The following TBCD variants were observed in gnomAD, a reference collection of about 807,000 sequenced individuals.
TBCD encodes tubulin folding cofactor D.
A neutral mutation model predicts 169.3 loss-of-function variants in TBCD; 105 were observed. The ratio of observed to expected loss-of-function variants is 0.62; its 90% CI spans 0.53 to 0.73. TBCD has a LOEUF of 0.73. TBCD is among the 30% of genes least tolerant of loss of function. The pLI, the probability that TBCD is intolerant of heterozygous loss-of-function variation, is 0.00. For missense variants in TBCD, 1,444 were observed against 1,600.1 expected (o/e 0.90, Z 1.66); for synonymous variants, 700 against 643.9 (o/e 1.09, Z -1.32).
chr17:82,941,642 C>A, intron 38 of TBCD, 159 bp downstream of exon 38: 1 of 664,594 alleles, frequency 1.5e-6, no homozygotes, highest in Non-Finnish European at 2.5e-6. Context: ...AGCAGAGCTG[C>A]CTTCTCTGGC....
At chr17:82,888,842 G>A (rs1053568371) in intron 15 of TBCD, among the ~76,000 whole-genome samples, 1 of 152,224 alleles carries the variant, frequency 6.6e-6, no homozygotes, top group African/African-American at 2.4e-5. Flanking sequence ...GCGGGAGGTC[G>A]CTCCTCCAGA....
At chr17:82,933,711 TTCAAGCAGTTC>T (rs1430009442) in intron 34 of TBCD, among the ~76,000 whole-genome samples, 2 of 151,884 alleles carry the variant, frequency 1.3e-5, no homozygotes, top group Non-Finnish European at 2.9e-5. Context: ...CCGTCCCGGG[TTCAAGCAGTTC>T]TCTCGCAGAC....
intron 4 of TBCD, among the ~76,000 whole-genome samples, chr17:82,767,753 G>A (rs1395592104): frequency 1.3e-5 from 2 of 152,054 alleles, no homozygotes; most frequent in Non-Finnish European, 2.9e-5. Flanking sequence ...TCAGGAGATC[G>A]AGACCATCCT....
chr17:82,754,479 G>T (rs2047297807), intron 1 of TBCD, among the ~76,000 whole-genome samples: 1 of 152,206 alleles, frequency 6.6e-6, no homozygotes, highest in African/African-American at 2.4e-5. Context: ...TGGGGAACTC[G>T]CATGTCTTGT....
At chr17:82,877,575 C>T (rs1043599838) in intron 14 of TBCD, among the ~76,000 whole-genome samples, 8 of 152,114 alleles carry the variant, frequency 5.3e-5, no homozygotes, top group Admixed American at 4.6e-4. Flanking sequence ...CTCCTGATCT[C>T]GTGATCCACC....
chr17:82,938,356 G>A (rs948554997), intron 36 of TBCD, among the ~76,000 whole-genome samples: 5 of 152,210 alleles, frequency 3.3e-5, no homozygotes, highest in Non-Finnish European at 5.9e-5. Context: ...GCGTTTCTAT[G>A]GACATACATT....
intron 2 of TBCD, 27 bp downstream of exon 2, chr17:82,756,242 T>C (rs2047393674): frequency 6.3e-7 from 1 of 1,597,000 alleles, no homozygotes; most frequent in African/African-American, 1.3e-5. Context: ...CTGATTTTGA[T>C]CATTCAGTTA....
chr17:82,775,656 G>A (rs2048551012), intron 6 of TBCD, among the ~76,000 whole-genome samples: 1 of 149,352 alleles, frequency 6.7e-6, no homozygotes, highest in African/African-American at 2.5e-5. Context: ...GTGGTGCTTG[G>A]TGTTACAGTG....
chr17:82,816,581 T>G (rs2051925002), intron 13 of TBCD, among the ~76,000 whole-genome samples: 1 of 152,126 alleles, frequency 6.6e-6, no homozygotes, highest in African/African-American at 2.4e-5. Context: ...TTGCCCAGGC[T>G]GGAGTGTGGT....
chr17:82,784,141 A>G (rs1159649270), intron 7 of TBCD, among the ~76,000 whole-genome samples: 1 of 152,066 alleles, frequency 6.6e-6, no homozygotes, highest in Non-Finnish European at 1.5e-5. Context: ...AAACAGAAAA[A>G]ACAAACCCAA....
chr17:82,819,654 G>A (rs926994058), intron 13 of TBCD, among the ~76,000 whole-genome samples: 4 of 152,194 alleles, frequency 2.6e-5, no homozygotes, highest in Non-Finnish European at 5.9e-5. Context: ...CTGCACTCAC[G>A]CGATCCTCCT....
chr17:82,792,792 G>T (rs1379592926), intron 7 of TBCD, among the ~76,000 whole-genome samples: 1 of 152,164 alleles, frequency 6.6e-6, no homozygotes, highest in Admixed American at 6.6e-5. Context: ...GCATTTTTGT[G>T]TGAAATTACC....
rs375444786 is a variant in TBCD, at chr17:82,869,782, C to T, written c.1319-442C>T. ...GGGACGCTCTGCCTTTGCGTGTCCACGACAGTACAATTCCAGGCACTGCCT... is the reference window on the plus strand; with the variant it reads ...GGGACGCTCTGCCTTTGCGTGTCCATGACAGTACAATTCCAGGCACTGCCT... On this transcript the variant is annotated intron_variant, in intron 13 of 38. Transcript: ENST00000355528. 7.3e-5 allele frequency among the ~76,000 whole-genome samples: 11 copies of T among 150,148 alleles called. No individual in the cohort carries two copies. In the East Asian group the frequency reaches 9.7e-4, roughly 13 times the overall value.
intron 7 of TBCD, among the ~76,000 whole-genome samples, chr17:82,785,203 G>A (rs541558738): frequency 9.1e-5 from 10 of 109,892 alleles, no homozygotes; most frequent in African/African-American, 3.5e-4. Flanking sequence ...CCATCGCAGC[G>A]ACAGGGGGTC....
At chr17:82,846,269 T>TGCCCCCTCCACGCGC (rs1567878926) in intron 13 of TBCD, among the ~76,000 whole-genome samples, 1 of 118,680 alleles carries the variant, frequency 8.4e-6, no homozygotes, top group Non-Finnish European at 1.8e-5. Context: ...TCCTCTGTGC[T>TGCCCCCTCCACGCGC]GTGTCCTCTT....
Position 82,889,768 on chromosome 17 carries a change from A to G in TBCD, c.1563+71A>G, listed in dbSNP as rs1396365041. 2.5e-6 allele frequency: 4 copies of G among 1,577,814 alleles called. No individual in the cohort carries two copies. In the African/African-American group the frequency reaches 5.4e-5, roughly 21 times the overall value. On this transcript the variant is annotated intron_variant, in intron 16 of 38. Transcript: ENST00000355528. This position sits in a 1 kb window ranked among gnomAD's most constrained non-coding sequence, Gnocchi z 5.3. ...TTTATAGGTAGGAATCTTGAGAGCT[A>G]TAACCCTGGTGTCTTCTCGCACTGT...
At position 82,809,699 on chromosome 17, in the gene TBCD, C is replaced by G; in HGVS notation, c.1149-9C>G. ...GTGCCCCTGACGGATTGCTGCGTTT[C>G]TCTTTCAGCATCGGTAGGATGGCTG... On this transcript the variant is annotated splice_polypyrimidine_tract_variant and intron_variant, in intron 11 of 38. Transcript: ENST00000355528. 1 of 1,612,594 alleles carries G rather than the reference C, an allele frequency of 6.2e-7. No individual in the cohort carries two copies. The highest frequency in any genetic ancestry group is 8.5e-7 in the Non-Finnish European group (1 of 1,179,300).
At chr17:82,899,960 G>T (rs1465533915) in intron 17 of TBCD, among the ~76,000 whole-genome samples, 1 of 152,068 alleles carries the variant, frequency 6.6e-6, no homozygotes, top group African/African-American at 2.4e-5. Context: ...TTTGTTTGGG[G>T]TTTATCTTTA....
rs757761521 is a variant in TBCD, at chr17:82,830,339, G to A, written c.1318+15405G>A. ...GTGTCTTGCCGGCAGGCAGGTTCCG[G>A]GGCCGCAGCATCCCCATCGCCCACC... On this transcript the variant is annotated intron_variant, in intron 13 of 38. Coordinates refer to ENST00000355528, the MANE Select transcript of TBCD (RefSeq NM_005993.5). 3.1e-6 allele frequency: 5 copies of A among 1,613,872 alleles called. No individual in the cohort carries two copies. The Admixed American group carries it at 6.7e-5, about 22-fold the overall frequency.
Sources: gnomAD v4.1 joint callset for allele counts (sites outside exome capture counted in the v4.1 genomes callset) on GRCh38, gnomAD v4.1.1 for gene constraint, Gnocchi (gnomAD v3.1) non-coding constraint, MANE v1.5 for transcripts, NCBI Gene and HGNC (gene_info 2026-07-23, HGNC 2026-07-21) for gene names.